The following KNG1 variants were observed in gnomAD, a reference collection of about 807,000 sequenced individuals.
KNG1 encodes the protein kininogen 1.
In KNG1, 23 loss-of-function variants were observed where a neutral mutation model predicts 47.8. The observed-to-expected ratio is 0.48, with a 90% confidence interval of 0.35 to 0.68. The LOEUF (loss-of-function observed/expected upper bound fraction) is 0.68, where lower values mean the gene tolerates loss of function less well. KNG1 is among the 30% of genes least tolerant of loss of function. KNG1 has a pLI of 0.01. For synonymous variants in KNG1, 277 were observed against 277.0 expected, an observed-to-expected ratio of 1.00 and a Z score of 0.00; for missense variants, 762 against 790.2, an observed-to-expected ratio of 0.96 and a Z score of 0.43.
chr3:186,727,124 C>T, intron 4 of KNG1, 113 bp from the exon 5 acceptor site: 2 of 758,980 alleles, frequency 2.6e-6, no homozygotes, highest in Non-Finnish European at 4.6e-6. Context: ...TTTTATATTT[C>T]TTGGGCACTT....
intron 9 of KNG1, among the ~76,000 whole-genome samples, chr3:186,739,985 T>C (rs1579130606): frequency 6.6e-6 from 1 of 151,406 alleles, no homozygotes; most frequent in African/African-American, 2.4e-5. Context: ...GAGGTGGAGG[T>C]TGCAGTGAGC....
intron 5 of KNG1, among the ~76,000 whole-genome samples, chr3:186,728,009 C>T (rs752353467): frequency 6.6e-6 from 1 of 152,182 alleles, no homozygotes; most frequent in Non-Finnish European, 1.5e-5. Context: ...TATGGTGTTC[C>T]CTTGCTCTAC....
rs373416162 is a variant in KNG1, at chr3:186,720,495, T to C, written c.306+280T>C. ...GCTCAGACTCCAGAGAGATAACAAA[T>C]TGACATTTGGGCCAAGCCAAAGAGC... On this transcript the variant is annotated intron_variant, in intron 2 of 9. Transcript: ENST00000644859. 1.8e-4 allele frequency: 72 copies of C among 408,184 alleles called. No homozygotes were observed. In the East Asian group the frequency reaches 2.8e-3, roughly 16 times the overall value. 25.3% of individuals were successfully genotyped at this position (408,184 alleles called of 1,614,324 possible).
chr3:186,719,715 C>T (rs575266934), intron 1 of KNG1, among the ~76,000 whole-genome samples: 12 of 142,076 alleles, frequency 8.4e-5, no homozygotes, highest in Non-Finnish European at 1.8e-4. Context: ...GGCGACAGAG[C>T]GAGACTCCAT....
In KNG1 at chr3:186,725,089, C is replaced by G. The variant is rs1485793198; in HGVS notation, c.393C>G (p.Ala131=). Residue 131 remains alanine, a splice_region_variant and synonymous_variant, in exon 4 of 10, where the codon GCC becomes GCG. Coordinates refer to ENST00000644859, the MANE Select transcript of KNG1 (RefSeq NM_001102416.3). ...VATQTCQITP[A]EGPVVTAQYD... Reference sequence around the variant, plus strand: ...TGTTTTTGTCTGCTCTTTGTTAAGCCGAGGGCCCTGTGGTGACAGCCCAGT... The same window carrying G: ...TGTTTTTGTCTGCTCTTTGTTAAGCGGAGGGCCCTGTGGTGACAGCCCAGT... The G allele has an allele frequency of 6.2e-7, 1 of 1,613,870 alleles. No individual in the cohort carries two copies.
intron 2 of KNG1, chr3:186,721,622 G>A (rs1159256393): frequency 1.3e-5 from 2 of 152,194 alleles, no homozygotes; most frequent in Non-Finnish European, 2.9e-5. Flanking sequence ...AGAGTCAAGG[G>A]GACATGACAG....
chr3:186,730,071 A>G (rs1172409543), intron 5 of KNG1, among the ~76,000 whole-genome samples: 1 of 151,880 alleles, frequency 6.6e-6, no homozygotes, highest in Non-Finnish European at 1.5e-5. Context: ...CTGTTTTTAA[A>G]TTATGAAATC....
rs772685670 is a variant in KNG1 at position 186,717,741 on chromosome 3, A to T, written c.195+4A>T. On this transcript the variant is annotated splice_donor_region_variant and intron_variant, in intron 1 of 9. Coordinates refer to ENST00000644859, the MANE Select transcript of KNG1 (RefSeq NM_001102416.3). ...CATAACTGAAGCCACTAAGACGGTG[A>T]GTGAATTGTGTTTAACCTTGAAGTC... 1 of 1,609,596 alleles carries T rather than the reference A, an allele frequency of 6.2e-7. No homozygotes were observed. Among genetic ancestry groups the T allele is most frequent in the East Asian group, 2.2e-5 (1 of 44,872 alleles).
chr3:186,742,382 C>A lies in KNG1; in HGVS notation c.*51C>A. 4 of 1,606,890 alleles carry A rather than the reference C, an allele frequency of 2.5e-6. No individual in the cohort carries two copies. The highest frequency in any genetic ancestry group is 3.4e-6 in the Non-Finnish European group (4 of 1,179,640). Reference sequence around the variant, plus strand: ...CATACTTTATTAAAGTATCAATATCCCTCTCTCCATTGTCCAGATGAAAAT... The same window carrying A: ...CATACTTTATTAAAGTATCAATATCACTCTCTCCATTGTCCAGATGAAAAT... On this transcript the variant is annotated 3_prime_UTR_variant, in exon 10 of 10. Coordinates refer to ENST00000644859, the MANE Select transcript of KNG1 (RefSeq NM_001102416.3).
rs368876803 is a variant in KNG1 at position 186,730,707 on chromosome 3, T to C, written c.673-838T>C. Among the ~76,000 whole-genome samples the C allele has an allele frequency of 2.0e-3, 207 of 105,250 alleles. 4 individuals carry two copies. The highest frequency in any genetic ancestry group is 7.8e-3 in the African/African-American group (198 of 25,500). The allele number at this position is 105,250 out of a possible 152,430, so 69.0% of individuals were successfully genotyped here. On this transcript the variant is annotated intron_variant, in intron 5 of 9. Coordinates refer to ENST00000644859, the MANE Select transcript of KNG1 (RefSeq NM_001102416.3). ...AAATATATATATATATATATATATA[T>C]ATATATATACACACACACACACATA...
chr3:186,739,988 C>T (rs528541941), intron 9 of KNG1, among the ~76,000 whole-genome samples: 3 of 151,550 alleles, frequency 2.0e-5, no homozygotes, highest in African/African-American at 7.3e-5. Context: ...GTGGAGGTTG[C>T]AGTGAGCCGA....
chr3:186,738,997 G>T lies in KNG1; in HGVS notation c.931-102G>T, dbSNP rs915937149. 6.3e-6 allele frequency: 6 copies of T among 959,208 alleles called. No homozygotes were observed. The African/African-American group carries it at 9.8e-5, about 16-fold the overall frequency. The allele number at this position is 959,208 out of a possible 1,614,324, so 59.4% of individuals were successfully genotyped here. On this transcript the variant is annotated intron_variant, in intron 7 of 9. Transcript: ENST00000644859. ...TTTTTGTATGTAACTCTCTAAGTTG[G>T]TCAATTAAAATTTCAAGATTCTCCC...
At chr3:186,739,230 C>T (rs1466783340) in intron 8 of KNG1, 24 bp downstream of exon 8, 1 of 1,595,406 alleles carries the variant, frequency 6.3e-7, no homozygotes, top group Non-Finnish European at 8.6e-7. Context: ...CACCTGTCTA[C>T]TTTTTCACTG....
chr3:186,719,260 A>G (rs781619129), intron 1 of KNG1, among the ~76,000 whole-genome samples: 1 of 152,214 alleles, frequency 6.6e-6, no homozygotes, highest in Non-Finnish European at 1.5e-5. Context: ...TGTAAATTAT[A>G]TCTCAATAAA....
At chr3:186,726,408 G>C (rs1352623080) in intron 4 of KNG1, among the ~76,000 whole-genome samples, 4 of 151,068 alleles carry the variant, frequency 2.6e-5, no homozygotes, top group Non-Finnish European at 5.9e-5. Flanking sequence ...TCCTGCCTCA[G>C]TATCCCAAGT....
In KNG1 at chr3:186,741,695, T is replaced by G. The variant is rs367634381; in HGVS notation, c.1299T>G (p.His433Gln). ...QGHTRRHDWGHEKQRKHNLGH... is the reference protein window; with the variant it reads ...QGHTRRHDWGQEKQRKHNLGH... ...ATACTCGTAGACATGACTGGGGCCA[T>G]GAAAAACAAAGAAAACATAATCTTG... Residue 433 changes from histidine (H) to glutamine (Q), a missense_variant, in exon 10 of 10, where the codon CAT becomes CAG. Physicochemically the swap from His to Gln is conservative, Grantham distance 24. Transcript: ENST00000644859. The G allele has an allele frequency of 3.7e-6, 6 of 1,613,990 alleles. No homozygotes were observed. The highest frequency in any genetic ancestry group is 5.1e-6 in the Non-Finnish European group (6 of 1,180,030).
At position 186,739,389 on chromosome 3, in the gene KNG1, C is replaced by T. The variant is rs761013605; in HGVS notation, c.1100C>T (p.Thr367Ile). The T allele has an allele frequency of 6.8e-6, 11 of 1,610,096 alleles. No homozygotes were observed. The highest frequency in any genetic ancestry group is 3.3e-5 in the Admixed American group (2 of 59,998). Residue 367 changes from threonine (T) to isoleucine (I), a missense_variant, in exon 9 of 10, where the codon ACT becomes ATT. Thr to Ile is a moderately conservative substitution (Grantham distance 89, BLOSUM62 -1). Coordinates refer to ENST00000644859, the MANE Select transcript of KNG1 (RefSeq NM_001102416.3). ...VVPWEKKIYPTVNCQPLGMIS... is the reference protein window; with the variant it reads ...VVPWEKKIYPIVNCQPLGMIS... ...CCCTGGGAGAAAAAAATTTACCCTA[C>T]TGTCAACTGTCAACCACTGGGAATG...
rs1265064899 is a variant in KNG1, at chr3:186,720,820, C to T, written c.306+605C>T. Among the ~76,000 whole-genome samples, 7 of 115,904 alleles carry T rather than the reference C, an allele frequency of 6.0e-5. 1 individual carries two copies. The highest frequency in any genetic ancestry group is 0.016 in the Middle Eastern group (2 of 124). The allele number at this position is 115,904 out of a possible 152,430, so 76.0% of individuals were successfully genotyped here. ...TTTTTTTTTTTTTGAGCCAGAGTCT[C>T]GCTCTGTCGCTCAGGCTGGAGTGCA... is the stretch of plus-strand genomic sequence containing the variant. On this transcript the variant is annotated intron_variant, in intron 2 of 9. Coordinates refer to ENST00000644859, the MANE Select transcript of KNG1 (RefSeq NM_001102416.3).
At chr3:186,739,460 T>C in intron 9 of KNG1, 46 bp downstream of exon 9, 1 of 1,276,042 alleles carries the variant, frequency 7.8e-7, no homozygotes, top group Non-Finnish European at 1.1e-6. Context: ...CTGCTCATTC[T>C]GAAAATCCAT....
Sources: allele counts gnomAD v4.1 joint callset (sites outside exome capture counted in the v4.1 genomes callset), GRCh38; gene constraint gnomAD v4.1.1; transcripts MANE v1.5; gene names NCBI Gene and HGNC (gene_info 2026-07-23, HGNC 2026-07-21).